Variants in PLEKHA7 observed in about 807,000 individuals in gnomAD.
PLEKHA7 encodes pleckstrin homology domain containing A7.
Under a neutral mutation model 170.0 loss-of-function variants are expected in PLEKHA7, and 104 were observed. The ratio of observed to expected loss-of-function variants is 0.61; its 90% CI spans 0.52 to 0.72. The LOEUF (loss-of-function observed/expected upper bound fraction) is 0.72, where lower values mean the gene tolerates loss of function less well. Ranked by LOEUF, PLEKHA7 falls within the 30% of genes least tolerant of loss-of-function variation. The pLI is 0.00. For missense variants in PLEKHA7, 1,615 were observed against 1,671.7 expected (o/e 0.97, Z 0.59); for synonymous variants, 648 against 660.8 (o/e 0.98, Z 0.30).
At chr11:16,889,420 A>AATATATAT (rs1554964151) in intron 3 of PLEKHA7, among the ~76,000 whole-genome samples, 20 of 74,656 alleles carry the variant, frequency 2.7e-4, no homozygotes, top group Admixed American at 3.7e-4. Context: ...AAAAAAAAAA[A>AATATATAT]ATATATATAT....
At chr11:16,958,777 T>C (rs1861862351) in intron 3 of PLEKHA7, among the ~76,000 whole-genome samples, 1 of 152,238 alleles carries the variant, frequency 6.6e-6, no homozygotes, top group Non-Finnish European at 1.5e-5. Context: ...GGTAGGATTA[T>C]AGGTGACTTA....
rs901308523 is a variant in PLEKHA7 at position 16,813,968 on chromosome 11, T to C, written c.1954-802A>G. Among the ~76,000 whole-genome samples, 3 of 152,174 alleles carry C rather than the reference T, an allele frequency of 2.0e-5. No homozygotes were observed. The East Asian group carries it at 5.8e-4, about 29-fold the overall frequency. ...AGCTGTGAAAGCTGTGAAAGAAAAA[T>C]AATCCAGGCACCATCTTCTCAGCAG... On this transcript the variant is annotated intron_variant, in intron 12 of 26. Coordinates refer to ENST00000531066, the MANE Select transcript of PLEKHA7 (RefSeq NM_001329630.2).
intron 3 of PLEKHA7, among the ~76,000 whole-genome samples, chr11:16,918,762 C>A (rs1858873793): frequency 1.3e-5 from 2 of 152,202 alleles, no homozygotes; most frequent in African/African-American, 4.8e-5. Context: ...CCAACCTGTA[C>A]TTCCACTTTT....
At chr11:16,879,534 G>A (rs986041705) in intron 3 of PLEKHA7, among the ~76,000 whole-genome samples, 7 of 152,002 alleles carry the variant, frequency 4.6e-5, no homozygotes, top group African/African-American at 9.7e-5. Context: ...TTCCCATACC[G>A]TCCACATCTG....
In PLEKHA7 at chr11:16,778,860, G is replaced by A. The variant is rs1451291375; in HGVS notation, c.*138C>T. 8.8e-6 allele frequency: 6 copies of A among 681,362 alleles called. No homozygotes were observed. The highest frequency in any genetic ancestry group is 3.1e-5 in the South Asian group (2 of 63,884). 42.2% of individuals were successfully genotyped at this position (681,362 alleles called of 1,614,324 possible). ...AGGGCCTGGCCTGTGGTGAACACCC[G>A]CAGTCGGTAAGCTGCTCCTTCCTCC... On this transcript the variant is annotated 3_prime_UTR_variant, in exon 27 of 27. Transcript: ENST00000531066.
rs370568065 is a variant in PLEKHA7 at position 17,008,915 on chromosome 11, G to A, written c.221+5074C>T. On this transcript the variant is annotated intron_variant, in intron 3 of 26. Coordinates refer to ENST00000531066, the MANE Select transcript of PLEKHA7 (RefSeq NM_001329630.2). The stretch of plus-strand genomic sequence containing the variant: ...CATAGGTCCCATGTTTGAAAAAGCT[G>A]TGTCTGCCAAATTGTATTTACTAAT... 2.8e-4 allele frequency among the ~76,000 whole-genome samples: 43 copies of A among 152,290 alleles called. 1 individual carries two copies. The East Asian group carries it at 7.5e-3, about 27-fold the overall frequency.
At chr11:16,893,126 T>G (rs756962626) in intron 3 of PLEKHA7, among the ~76,000 whole-genome samples, 11 of 152,202 alleles carry the variant, frequency 7.2e-5, no homozygotes, top group Non-Finnish European at 1.2e-4. Context: ...ATGTATTATC[T>G]CTAACGGTTA....
intron 3 of PLEKHA7, 40 bp downstream of exon 3, chr11:17,013,949 C>CCT: frequency 6.6e-7 from 1 of 1,511,148 alleles, no homozygotes; most frequent in Non-Finnish European, 8.8e-7. Context: ...GACCCCCCCC[C>CCT]CGCGGCACAG....
At chr11:16,931,667 A>C (rs2136328672) in intron 3 of PLEKHA7, among the ~76,000 whole-genome samples, 1 of 151,956 alleles carries the variant, frequency 6.6e-6, no homozygotes, top group Middle Eastern at 3.4e-3. Flanking sequence ...GAGGCTGAGA[A>C]TGCCTTGAAC....
intron 3 of PLEKHA7, among the ~76,000 whole-genome samples, chr11:16,904,024 A>G (rs1207243767): frequency 6.6e-6 from 1 of 152,198 alleles, no homozygotes; most frequent in Non-Finnish European, 1.5e-5. Flanking sequence ...TCTTTCCCTC[A>G]GATCTTTCAC....
rs1305094336 is a variant in PLEKHA7, at chr11:16,777,346, C to T, written c.*1652G>A. On this transcript the variant is annotated 3_prime_UTR_variant, in exon 27 of 27. Coordinates refer to ENST00000531066, the MANE Select transcript of PLEKHA7 (RefSeq NM_001329630.2). The stretch of plus-strand genomic sequence containing the variant: ...ATCACATTTTTTTTGCAAACCATTA[C>T]ATTTTTAAATTAACTTTTTCTTGCA... The T allele has an allele frequency of 6.6e-6, 1 of 152,146 alleles. No homozygotes were observed. Among genetic ancestry groups the T allele is most frequent in the Non-Finnish European group, 1.5e-5 (1 of 68,026 alleles). 9.4% of individuals were successfully genotyped at this position (152,146 alleles called of 1,614,324 possible). A position where few individuals can be genotyped will look rare whatever the true frequency, so the allele number is the denominator to read the frequency against.
intron 3 of PLEKHA7, among the ~76,000 whole-genome samples, chr11:16,917,200 C>G (rs903057623): frequency 6.6e-6 from 1 of 152,092 alleles, no homozygotes; most frequent in Non-Finnish European, 1.5e-5. Context: ...GCCTGGGTGA[C>G]ACAGCAAGAC....
intron 4 of PLEKHA7, among the ~76,000 whole-genome samples, chr11:16,870,473 A>G (rs1590403966): frequency 6.6e-6 from 1 of 151,986 alleles, no homozygotes; most frequent in Admixed American, 6.6e-5. Context: ...TACAAAAAAT[A>G]CAAAAATATG....
Position 16,817,322 on chromosome 11 carries a change from A to G in PLEKHA7, c.1344T>C (p.Ser448=). Residue 448 remains serine, a splice_region_variant and synonymous_variant, in exon 11 of 27, where the codon AGT becomes AGC. Coordinates refer to ENST00000531066, the MANE Select transcript of PLEKHA7 (RefSeq NM_001329630.2). This position sits in a 1 kb window ranked among gnomAD's most constrained non-coding sequence, Gnocchi z 4.4. ...WARAQKGDSR[S]LPLDQTLPRQ... is the part of the protein sequence containing the mutation. ...GAGGAAGCGTCTGGTCCAAGGGAAG[A>G]CTGAGGAGAAAGGGTAAGAACGGGT... The G allele has an allele frequency of 6.2e-7, 1 of 1,604,448 alleles. No individual in the cohort carries two copies. The highest frequency in any genetic ancestry group is 8.5e-7 in the Non-Finnish European group (1 of 1,177,930).
At chr11:16,909,604 C>T (rs1565104098) in intron 3 of PLEKHA7, among the ~76,000 whole-genome samples, 1 of 152,216 alleles carries the variant, frequency 6.6e-6, no homozygotes, top group Non-Finnish European at 1.5e-5. Flanking sequence ...CTGGGCCACA[C>T]TCTCACTCTG....
At chr11:16,982,594 C>T (rs1413750460) in intron 3 of PLEKHA7, among the ~76,000 whole-genome samples, 2 of 152,182 alleles carry the variant, frequency 1.3e-5, no homozygotes, top group African/African-American at 4.8e-5. Flanking sequence ...TTCATCAGCT[C>T]TAGGCCAATG....
chr11:16,867,792 C>T (rs1043352447), intron 4 of PLEKHA7, among the ~76,000 whole-genome samples: 3 of 152,172 alleles, frequency 2.0e-5, no homozygotes, highest in African/African-American at 4.8e-5. Context: ...AGGCTGGACA[C>T]ACTCTCCTCA....
intron 23 of PLEKHA7, chr11:16,786,977 G>C: frequency 1.0e-6 from 1 of 985,092 alleles, no homozygotes; most frequent in Non-Finnish European, 1.2e-6. Flanking sequence ...ATCTATTTGA[G>C]ATAGATGTTT....
chr11:16,788,658 AC>A (rs1385822698), intron 23 of PLEKHA7: 1 of 227,978 alleles, frequency 4.4e-6, no homozygotes, highest in African/African-American at 2.3e-5. Context: ...CAGGGGTGTG[AC>A]CCCGTGCTCC....
Sources: allele counts gnomAD v4.1 joint callset (sites outside exome capture counted in the v4.1 genomes callset), GRCh38; gene constraint gnomAD v4.1.1; non-coding constraint Gnocchi (gnomAD v3.1); transcripts MANE v1.5; gene names NCBI Gene and HGNC (gene_info 2026-07-23, HGNC 2026-07-21).